The following SPATA17 variants were observed in gnomAD, a reference collection of about 807,000 sequenced individuals.
The protein encoded by SPATA17 is spermatogenesis associated 17, also known as spermatogenesis-associated protein 17.
Under a neutral mutation model 62.2 loss-of-function variants are expected in SPATA17, and 53 were observed. The observed-to-expected ratio is 0.85, with a 90% CI of 0.68 to 1.07. SPATA17 has a LOEUF of 1.07. Among genes scored for constraint, SPATA17 ranks in the 50% least tolerant of loss-of-function variants. SPATA17 has a pLI of 0.00. For synonymous variants in SPATA17, 146 were observed against 146.8 expected, an observed-to-expected ratio of 0.99 and a Z score of 0.04; for missense variants, 466 against 425.5, an observed-to-expected ratio of 1.10 and a Z score of -0.84.
chr1:217,831,239 G>A (rs61827068), intron 9 of SPATA17, among the ~76,000 whole-genome samples: 4,908 of 152,210 alleles, frequency 0.032, 112 homozygotes, highest in Middle Eastern at 0.065. Context: ...TGTTACAAAT[G>A]TCTTACTTTG....
intron 9 of SPATA17, among the ~76,000 whole-genome samples, chr1:217,822,128 G>C (rs1379512643): frequency 6.6e-6 from 1 of 152,018 alleles, no homozygotes; most frequent in Non-Finnish European, 1.5e-5. Context: ...GAGTATGCAC[G>C]TTTTTAAGAC....
chr1:217,862,710 A>T lies in SPATA17; in HGVS notation c.1006-64A>T. ...CTAGCAATTTAATCTAAATAATAAC[A>T]ATAATGGTAATAACATAAAATCATG... On this transcript the variant is annotated intron_variant, in intron 9 of 10. Transcript: ENST00000366933. The T allele has an allele frequency of 2.6e-6, 3 of 1,174,770 alleles. No individual in the cohort carries two copies. In the South Asian group the frequency reaches 4.1e-5, roughly 16 times the overall value. 72.8% of individuals were successfully genotyped at this position (1,174,770 alleles called of 1,614,324 possible).
chr1:217,682,165 T>A (rs1671099842), intron 4 of SPATA17, among the ~76,000 whole-genome samples: 1 of 152,154 alleles, frequency 6.6e-6, no homozygotes, highest in Admixed American at 6.5e-5. Context: ...TAATTTCAGG[T>A]ATCTTTTCCT....
chr1:217,804,809 A>G (rs977597303), intron 9 of SPATA17, among the ~76,000 whole-genome samples: 2 of 152,238 alleles, frequency 1.3e-5, no homozygotes, highest in African/African-American at 4.8e-5. Flanking sequence ...ACTAATCATC[A>G]GGGAAATGCA....
At chr1:217,749,985 C>CTATATATATATA (rs57489651) in intron 6 of SPATA17, among the ~76,000 whole-genome samples, 151 of 12,300 alleles carry the variant, frequency 0.012, 16 homozygotes, top group African/African-American at 0.023. Context: ...CTCTCTCTCT[C>CTATATATATATA]TATATATATA....
intron 6 of SPATA17, among the ~76,000 whole-genome samples, chr1:217,753,659 A>G (rs1485682131): frequency 6.6e-6 from 1 of 152,006 alleles, no homozygotes; most frequent in Non-Finnish European, 1.5e-5. Context: ...ACATATGTAT[A>G]TATGTACATA....
chr1:217,824,570 G>A (rs574090966), intron 9 of SPATA17, among the ~76,000 whole-genome samples: 27 of 150,868 alleles, frequency 1.8e-4, no homozygotes, highest in Admixed American at 1.5e-3. Flanking sequence ...TCTCTATACT[G>A]TTATTGTATA....
At chr1:217,666,693 A>T (rs1355790450) in intron 3 of SPATA17, among the ~76,000 whole-genome samples, 1 of 152,168 alleles carries the variant, frequency 6.6e-6, no homozygotes, top group Non-Finnish European at 1.5e-5. Flanking sequence ...CCCAAATTGA[A>T]ACTCTGTACA....
At chr1:217,823,565 A>G (rs1674919911) in intron 9 of SPATA17, among the ~76,000 whole-genome samples, 1 of 151,956 alleles carries the variant, frequency 6.6e-6, no homozygotes, top group Non-Finnish European at 1.5e-5. Flanking sequence ...CTGGACTTGT[A>G]CTTCCTTGTC....
intron 5 of SPATA17, among the ~76,000 whole-genome samples, chr1:217,708,880 A>T (rs983617455): frequency 3.3e-5 from 5 of 152,204 alleles, no homozygotes; most frequent in African/African-American, 1.2e-4. Context: ...GGTTCAACAT[A>T]CAGAAATCAA....
chr1:217,734,931 G>A (rs1672479691), intron 5 of SPATA17, among the ~76,000 whole-genome samples: 2 of 152,112 alleles, frequency 1.3e-5, no homozygotes, highest in African/African-American at 4.8e-5. Context: ...TGCTGGTCCA[G>A]GGACCACACT....
At chr1:217,643,473 T>C (rs1473436737) in intron 1 of SPATA17, among the ~76,000 whole-genome samples, 1 of 152,084 alleles carries the variant, frequency 6.6e-6, no homozygotes, top group Non-Finnish European at 1.5e-5. Context: ...GGACACACTG[T>C]CCTTGCTAAG....
At position 217,869,292 on chromosome 1, in the gene SPATA17, T is replaced by A. The variant is rs1368230333; in HGVS notation, c.*2273T>A. 6.6e-6 allele frequency: 1 copy of A among 152,156 alleles called. No homozygotes were observed. The highest frequency in any genetic ancestry group is 2.4e-5 in the African/African-American group (1 of 41,446). 9.4% of individuals were successfully genotyped at this position (152,156 alleles called of 1,614,324 possible). On this transcript the variant is annotated 3_prime_UTR_variant, in exon 11 of 11. Transcript: ENST00000366933. Reference sequence around the variant, plus strand: ...CAATTGGCAATTGGTTCAAAGAATTTATCTAAAGACCTGGAATCCATAGAA... The same window carrying A: ...CAATTGGCAATTGGTTCAAAGAATTAATCTAAAGACCTGGAATCCATAGAA...
chr1:217,643,733 T>A (rs1329668949), intron 1 of SPATA17, among the ~76,000 whole-genome samples: 3 of 147,116 alleles, frequency 2.0e-5, no homozygotes, highest in East Asian at 3.9e-4. Context: ...TATATATATA[T>A]AATTTTTTTT....
At chr1:217,838,409 T>C (rs1675310322) in intron 9 of SPATA17, among the ~76,000 whole-genome samples, 1 of 152,090 alleles carries the variant, frequency 6.6e-6, no homozygotes, top group African/African-American at 2.4e-5. Context: ...TATGTCTGCG[T>C]TTTCTACATC....
Position 217,801,848 on chromosome 1 carries a change from A to G in SPATA17, c.1003A>G (p.Lys335Glu). The stretch of plus-strand genomic sequence containing the variant: ...AAATCCTAAGAAATGGATCTGTGAC[A>G]AGGTGAGTTAACAAAACATTTTAAA... ...SENPKKWICD[K>E]DFQTVLPSFE... The change falls in exon 9 of 11, where the codon AAG (lysine) becomes GAG (glutamate). Residue 335 changes from lysine (K) to glutamate (E), a missense_variant and splice_region_variant. Physicochemically the swap from Lys to Glu is moderately conservative, Grantham distance 56 (BLOSUM62 1). Coordinates refer to ENST00000366933, the MANE Select transcript of SPATA17 (RefSeq NM_138796.4). 1 of 1,599,268 alleles carries G rather than the reference A, an allele frequency of 6.3e-7. No individual in the cohort carries two copies. The highest frequency in any genetic ancestry group is 1.1e-5 in the South Asian group (1 of 87,756).
chr1:217,677,450 A>ATGTAATAAT (rs1372193282), intron 4 of SPATA17, among the ~76,000 whole-genome samples: 1 of 152,112 alleles, frequency 6.6e-6, no homozygotes, highest in East Asian at 1.9e-4. Context: ...AATGACCCCG[A>ATGTAATAAT]GATTACATAG....
intron 5 of SPATA17, among the ~76,000 whole-genome samples, chr1:217,730,922 T>C (rs2102941133): frequency 6.6e-6 from 1 of 152,346 alleles, no homozygotes; most frequent in East Asian, 1.9e-4. Context: ...ATGATATGTT[T>C]ACATTATTAT....
intron 1 of SPATA17, among the ~76,000 whole-genome samples, chr1:217,646,406 C>G (rs532602744): frequency 6.6e-6 from 1 of 152,250 alleles, no homozygotes; most frequent in South Asian, 2.1e-4. Context: ...TGTATCATTT[C>G]AAATACTCAT....
Sources: gnomAD v4.1 joint callset for allele counts (sites outside exome capture counted in the v4.1 genomes callset) on GRCh38, gnomAD v4.1.1 for gene constraint, MANE v1.5 for transcripts, NCBI Gene and HGNC (gene_info 2026-07-23, HGNC 2026-07-21) for gene names.